The following TAFA1 variants were observed in gnomAD, a reference collection of about 807,000 sequenced individuals.
The protein encoded by TAFA1 is TAFA chemokine like family member 1, also known as chemokine-like protein TAFA-1.
In TAFA1, 4 loss-of-function variants were observed where a neutral mutation model predicts 18.5. The ratio of observed to expected loss-of-function variants is 0.22; its 90% CI spans 0.11 to 0.49. The LOEUF is 0.49. Ranked by LOEUF, TAFA1 falls within the 20% of genes least tolerant of loss-of-function variation. The probability of loss-of-function intolerance (pLI) is 0.98; values close to 1 mark genes in which losing one functional copy is unlikely to be tolerated. For missense variants in TAFA1, 147 were observed against 169.0 expected, an observed-to-expected ratio of 0.87 and a Z score of 0.72; for synonymous variants, 56 against 55.2, an observed-to-expected ratio of 1.01 and a Z score of -0.06.
intron 3 of TAFA1, among the ~76,000 whole-genome samples, chr3:68,439,412 C>CAT (rs57059146): frequency 0.019 from 1,396 of 73,366 alleles, 59 homozygotes; most frequent in Admixed American, 0.021. Flanking sequence ...TATATACATA[C>CAT]ATATATATAT....
intron 2 of TAFA1, among the ~76,000 whole-genome samples, chr3:68,392,307 C>A (rs536089985): frequency 1.9e-3 from 289 of 151,984 alleles, no homozygotes; most frequent in African/African-American, 6.7e-3. Flanking sequence ...ACAAGAAGAG[C>A]TAACTATCCT....
At chr3:68,366,809 G>A (rs1404885924) in intron 2 of TAFA1, among the ~76,000 whole-genome samples, 1 of 152,190 alleles carries the variant, frequency 6.6e-6, no homozygotes, top group Non-Finnish European at 1.5e-5. Flanking sequence ...TGATTTAACA[G>A]TATGTGCTCA....
intron 3 of TAFA1, among the ~76,000 whole-genome samples, chr3:68,484,285 C>T (rs993820967): frequency 1.3e-5 from 2 of 152,090 alleles, no homozygotes; most frequent in African/African-American, 4.8e-5. Context: ...TAGTGGTTAC[C>T]ATGTTGAACA....
chr3:68,417,240 T>C (rs1162810896), intron 2 of TAFA1, 40 bp from the exon 3 acceptor site: 1 of 1,600,178 alleles, frequency 6.2e-7, no homozygotes, highest in Admixed American at 1.7e-5. Context: ...AGTCACTGAG[T>C]TATTTCTAAT....
In TAFA1 at chr3:68,402,277, G is replaced by T. The variant is rs144107741; in HGVS notation, c.119-15003G>T. 5.8e-4 allele frequency among the ~76,000 whole-genome samples: 88 copies of T among 152,294 alleles called. 2 individuals carry two copies. The East Asian group carries it at 0.017, about 29-fold the overall frequency. Reference sequence around the variant, plus strand: ...GTTATTGCTGACATGCCTGGAGAGGGTCTGTTAAGGGAAGCTCATTTCAAG... The same window carrying T: ...GTTATTGCTGACATGCCTGGAGAGGTTCTGTTAAGGGAAGCTCATTTCAAG... On this transcript the variant is annotated intron_variant, in intron 2 of 4. Transcript: ENST00000478136.
chr3:68,443,489 A>C (rs925302043), intron 3 of TAFA1, among the ~76,000 whole-genome samples: 11 of 151,534 alleles, frequency 7.3e-5, no homozygotes, highest in East Asian at 1.9e-4. Context: ...AAAAAAAAAA[A>C]AAAAAAACAA....
chr3:68,282,319 T>C (rs561607133), intron 2 of TAFA1, among the ~76,000 whole-genome samples: 1 of 152,268 alleles, frequency 6.6e-6, no homozygotes, highest in Non-Finnish European at 1.5e-5. Context: ...ACAACAGGCA[T>C]TGCACACTTA....
At chr3:68,396,483 A>G (rs1452389291) in intron 2 of TAFA1, among the ~76,000 whole-genome samples, 1 of 152,164 alleles carries the variant, frequency 6.6e-6, no homozygotes, top group Admixed American at 6.5e-5. Context: ...ATTTAAATGG[A>G]CTTCTATACT....
At chr3:67,999,285 C>CTGTGTGTGTGTGTGTGTGTGTGTGTGTG (rs373368779), upstream of TAFA1, among the ~76,000 whole-genome samples, 83 of 4,728 alleles carry the variant, frequency 0.018, 1 homozygote, top group African/African-American at 0.027. Context: ...CCCCCCCTCT[C>CTGTGTGTGTGTGTGTGTGTGTGTGTGTG]TCTGTGTGTG....
intron 3 of TAFA1, among the ~76,000 whole-genome samples, chr3:68,438,553 C>T (rs2071306237): frequency 1.3e-5 from 2 of 152,052 alleles, no homozygotes; most frequent in Middle Eastern, 3.4e-3. Context: ...GGTGTTAGTC[C>T]CACTCCCATG....
chr3:68,417,624 A>T (rs2070865422), intron 3 of TAFA1: 1 of 575,970 alleles, frequency 1.7e-6, no homozygotes, highest in Non-Finnish European at 3.0e-6. Flanking sequence ...CAAAAAATAG[A>T]TGTTGAAATT....
intron 2 of TAFA1, among the ~76,000 whole-genome samples, chr3:68,035,173 T>C (rs1705019291): frequency 6.6e-6 from 1 of 152,190 alleles, no homozygotes; most frequent in Non-Finnish European, 1.5e-5. Context: ...TGATTTATGA[T>C]CTATAATTAG....
chr3:68,215,728 G>A lies in TAFA1; in HGVS notation c.119-201552G>A, dbSNP rs528653815. 5.3e-5 allele frequency among the ~76,000 whole-genome samples: 8 copies of A among 152,176 alleles called. No homozygotes were observed. The South Asian group carries it at 1.7e-3, about 32-fold the overall frequency. On this transcript the variant is annotated intron_variant, in intron 2 of 4. Transcript: ENST00000478136. ...GTTGATGGAAATAAAGAATGGTATA[G>A]CTACTTTAGAAGACAGTTCGGCAGT... is the stretch of plus-strand genomic sequence containing the variant.
rs558155413 is a variant in TAFA1 at position 68,060,698 on chromosome 3, G to T, written c.118+53954G>T. ...CTCTTGGGTCAGTCTCTGTTGAGCT[G>T]TGGGTCTTTGTCATGGATGTCACGT... On this transcript the variant is annotated intron_variant, in intron 2 of 4. Coordinates refer to ENST00000478136, the MANE Select transcript of TAFA1 (RefSeq NM_213609.4). Among the ~76,000 whole-genome samples the T allele has an allele frequency of 1.2e-3, 179 of 152,280 alleles. 3 individuals are homozygous for T. The highest frequency in any genetic ancestry group is 3.4e-3 in the Middle Eastern group (1 of 294).
chr3:68,234,940 G>A (rs796145785), intron 2 of TAFA1, among the ~76,000 whole-genome samples: 18 of 152,256 alleles, frequency 1.2e-4, no homozygotes, highest in African/African-American at 4.3e-4. Context: ...AGAGATCCTT[G>A]AATGAATTAG....
intron 2 of TAFA1, among the ~76,000 whole-genome samples, chr3:68,167,143 G>A (rs1033873680): frequency 6.6e-6 from 1 of 152,192 alleles, no homozygotes; most frequent in African/African-American, 2.4e-5. Context: ...GCTGGTTAGT[G>A]CTGTGGTTGG....
intron 2 of TAFA1, among the ~76,000 whole-genome samples, chr3:68,248,932 T>C (rs1191821555): frequency 6.6e-6 from 1 of 152,038 alleles, no homozygotes; most frequent in Admixed American, 6.6e-5. Context: ...CATGGGACCA[T>C]TTCTGTAATT....
Position 68,103,835 on chromosome 3 carries a change from T to A in TAFA1, c.118+97091T>A, listed in dbSNP as rs953140841. Among the ~76,000 whole-genome samples, 4 of 152,278 alleles carry A rather than the reference T, an allele frequency of 2.6e-5. No individual in the cohort carries two copies. The East Asian group carries it at 7.7e-4, about 29-fold the overall frequency. ...CATTGAACCTATGAAGTGGGTACTTTTATTACCTCATCACACAGATGATAA... is the reference window on the plus strand; with the variant it reads ...CATTGAACCTATGAAGTGGGTACTTATATTACCTCATCACACAGATGATAA... On this transcript the variant is annotated intron_variant, in intron 2 of 4. Coordinates refer to ENST00000478136, the MANE Select transcript of TAFA1 (RefSeq NM_213609.4).
At chr3:68,419,002 T>A (rs9850187) in intron 3 of TAFA1, among the ~76,000 whole-genome samples, 1 of 151,938 alleles carries the variant, frequency 6.6e-6, no homozygotes, top group Non-Finnish European at 1.5e-5. Flanking sequence ...TTGACTGATA[T>A]GGCAGAATGG....
Sources: gnomAD v4.1 joint callset for allele counts (sites outside exome capture counted in the v4.1 genomes callset) on GRCh38, gnomAD v4.1.1 for gene constraint, MANE v1.5 for transcripts, NCBI Gene and HGNC (gene_info 2026-07-23, HGNC 2026-07-21) for gene names.